The following ASIC2 variants were observed in gnomAD, a reference collection of about 807,000 sequenced individuals.
The protein encoded by ASIC2 is acid-sensing ion channel 2.
In ASIC2, 25 loss-of-function variants were observed where a neutral mutation model predicts 57.3. That is an observed-to-expected ratio of 0.44 (90% CI 0.32 to 0.61). ASIC2 has a LOEUF of 0.61. Ranked by LOEUF, ASIC2 falls within the 20% of genes least tolerant of loss-of-function variation. ASIC2 has a pLI of 0.06. For synonymous variants in ASIC2, 319 were observed against 307.5 expected (o/e 1.04, Z -0.39); for missense variants, 641 against 738.1 (o/e 0.87, Z 1.52).
intron 1 of ASIC2, among the ~76,000 whole-genome samples, chr17:33,841,059 A>G (rs1913422452): frequency 6.6e-6 from 1 of 152,230 alleles, no homozygotes; most frequent in East Asian, 1.9e-4. Context: ...TACCTGAAAA[A>G]AAAAGACTCA....
chr17:33,249,794 C>G (rs759551391), intron 1 of ASIC2, among the ~76,000 whole-genome samples: 1 of 152,086 alleles, frequency 6.6e-6, no homozygotes, highest in African/African-American at 2.4e-5. Flanking sequence ...AAAGGCAGGG[C>G]GGGTGGGGAA....
At chr17:33,105,288 T>C (rs374053851) in intron 2 of ASIC2, among the ~76,000 whole-genome samples, 5 of 152,218 alleles carry the variant, frequency 3.3e-5, no homozygotes, top group Non-Finnish European at 7.3e-5. Flanking sequence ...GTTGTTGTGA[T>C]AGTGAATAAG....
intron 2 of ASIC2, 146 bp downstream of exon 2, chr17:33,111,771 C>T: frequency 8.4e-7 from 1 of 1,189,330 alleles, no homozygotes. Flanking sequence ...AAGCCAGGGA[C>T]ATCTTTATGA....
At chr17:33,895,904 T>C (rs1410104657) in intron 1 of ASIC2, among the ~76,000 whole-genome samples, 1 of 152,156 alleles carries the variant, frequency 6.6e-6, no homozygotes, top group Non-Finnish European at 1.5e-5. Context: ...GTGCATAACT[T>C]TGCAGCAAAT....
intron 1 of ASIC2, chr17:34,069,289 T>C (rs1313821675): frequency 7.6e-6 from 1 of 131,252 alleles, no homozygotes; most frequent in East Asian, 2.0e-4. Flanking sequence ...CTTCTTCCTT[T>C]CTTTCCTTCT....
chr17:33,042,054 A>T (rs958245343), intron 3 of ASIC2, among the ~76,000 whole-genome samples: 1 of 152,128 alleles, frequency 6.6e-6, no homozygotes, highest in Non-Finnish European at 1.5e-5. Flanking sequence ...CATAATGTTC[A>T]GTTTGATGTT....
chr17:33,908,585 C>T (rs1251571941), intron 1 of ASIC2, among the ~76,000 whole-genome samples: 1 of 152,156 alleles, frequency 6.6e-6, no homozygotes, highest in East Asian at 1.9e-4. Context: ...TACTTCCTGC[C>T]CTTGAAACAC....
intron 1 of ASIC2, among the ~76,000 whole-genome samples, chr17:34,065,529 T>C (rs1909139824): frequency 1.3e-5 from 2 of 152,040 alleles, no homozygotes; most frequent in Non-Finnish European, 2.9e-5. Context: ...AAATAAAACA[T>C]ATTTTTTTAA....
At position 33,757,352 on chromosome 17, in the gene ASIC2, T is replaced by C. The variant is rs146538330; in HGVS notation, c.555+398626A>G. 4.8e-3 allele frequency among the ~76,000 whole-genome samples: 737 copies of C among 152,270 alleles called. 7 individuals are homozygous for C. Among genetic ancestry groups the C allele is most frequent in the African/African-American group, 0.017 (693 of 41,554 alleles). ...CAGAAGTTTCCCAGGGTAGGCATGG[T>C]GACTCACACCTGTAATCCCAACACT... On this transcript the variant is annotated intron_variant, in intron 1 of 9. Coordinates refer to the ASIC2 transcript ENST00000359872.
At chr17:33,917,380 G>C (rs567735499) in intron 1 of ASIC2, among the ~76,000 whole-genome samples, 1 of 152,248 alleles carries the variant, frequency 6.6e-6, no homozygotes, top group East Asian at 1.9e-4. Flanking sequence ...TCTGCTAGAG[G>C]TTTCTCTTTT....
chr17:33,976,117 A>G (rs928105090), intron 1 of ASIC2, among the ~76,000 whole-genome samples: 1 of 149,068 alleles, frequency 6.7e-6, no homozygotes. Flanking sequence ...TGGTCTCCTT[A>G]TATATTAATA....
chr17:33,485,171 G>T (rs1245714390), intron 1 of ASIC2, among the ~76,000 whole-genome samples: 1 of 152,256 alleles, frequency 6.6e-6, no homozygotes, highest in East Asian at 1.9e-4. Flanking sequence ...AGTTCTAAAA[G>T]GTTAAGACTA....
chr17:33,138,626 G>A (rs1416610308), intron 1 of ASIC2, among the ~76,000 whole-genome samples: 1 of 152,078 alleles, frequency 6.6e-6, no homozygotes, highest in Non-Finnish European at 1.5e-5. Context: ...CCACCTTCCT[G>A]CCATCAGCGG....
intron 1 of ASIC2, among the ~76,000 whole-genome samples, chr17:33,372,977 C>A (rs144049179): frequency 6.6e-6 from 1 of 152,114 alleles, no homozygotes; most frequent in Non-Finnish European, 1.5e-5. Context: ...TGGGTTAGGG[C>A]GTGGGAACAC....
chr17:34,120,735 T>C (rs1911591642), intron 1 of ASIC2, among the ~76,000 whole-genome samples: 2 of 137,586 alleles, frequency 1.5e-5, no homozygotes, highest in African/African-American at 3.1e-5. Flanking sequence ...TTTTTTTTTT[T>C]TTTCTTTTTT....
At chr17:33,933,635 G>A (rs1915993583) in intron 1 of ASIC2, among the ~76,000 whole-genome samples, 2 of 152,220 alleles carry the variant, frequency 1.3e-5, no homozygotes, top group South Asian at 2.1e-4. Flanking sequence ...TAATCCAGGG[G>A]ATGAGGACCA....
chr17:33,449,265 C>T (rs1168452600), intron 1 of ASIC2, among the ~76,000 whole-genome samples: 2 of 151,846 alleles, frequency 1.3e-5, no homozygotes. Context: ...CTCCCCAGAA[C>T]CAGCTGCTTC....
intron 1 of ASIC2, among the ~76,000 whole-genome samples, chr17:33,420,140 C>T (rs1161548760): frequency 6.6e-6 from 1 of 152,172 alleles, no homozygotes; most frequent in Non-Finnish European, 1.5e-5. Context: ...AAAAAGAAAG[C>T]ATATGCCTTC....
At chr17:33,494,168 G>A (rs1913854028) in intron 1 of ASIC2, among the ~76,000 whole-genome samples, 1 of 152,210 alleles carries the variant, frequency 6.6e-6, no homozygotes. Flanking sequence ...TCCCCAGACA[G>A]CAAAGGAGGG....
Sources: gnomAD v4.1 joint callset for allele counts (sites outside exome capture counted in the v4.1 genomes callset) on GRCh38, gnomAD v4.1.1 for gene constraint, MANE v1.5 for transcripts, NCBI Gene and HGNC (gene_info 2026-07-23, HGNC 2026-07-21) for gene names.